Variants in DYSF observed in about 807,000 individuals in gnomAD.
DYSF encodes dystrophy-associated fer-1-like 1.
Under a neutral mutation model 274.9 loss-of-function variants are expected in DYSF, and 212 were observed. The observed-to-expected ratio is 0.77, with a 90% CI of 0.69 to 0.86. The LOEUF (loss-of-function observed/expected upper bound fraction) is 0.86, where lower values mean the gene tolerates loss of function less well. Ranked by LOEUF, DYSF falls within the 40% of genes least tolerant of loss-of-function variation. The pLI is 0.00. For missense variants in DYSF, 2,666 were observed against 2,783.2 expected, an observed-to-expected ratio of 0.96 and a Z score of 0.95; for synonymous variants, 1,091 against 1,078.7, an observed-to-expected ratio of 1.01 and a Z score of -0.22.
intron 21 of DYSF, among the ~76,000 whole-genome samples, chr2:71,555,675 T>TC (rs1366011936): frequency 1.3e-5 from 2 of 150,356 alleles, no homozygotes; most frequent in Middle Eastern, 3.2e-3. Context: ...CAGGGAGGAG[T>TC]CAGAAGCCAT....
At chr2:71,618,437 G>GCA (rs1558640274) in intron 40 of DYSF, among the ~76,000 whole-genome samples, 132 of 141,190 alleles carry the variant, frequency 9.3e-4, no homozygotes, top group African/African-American at 2.1e-3. Flanking sequence ...GAGGTGGGGT[G>GCA]TGTGTGGTAG....
At chr2:71,495,802 G>A (rs563898510) in intron 3 of DYSF, among the ~76,000 whole-genome samples, 1 of 152,174 alleles carries the variant, frequency 6.6e-6, no homozygotes, top group South Asian at 2.1e-4. Context: ...ACTGGGGCAG[G>A]GGCTCTGCTA....
At position 71,479,468 on chromosome 2, in the gene DYSF, A is replaced by T. The variant is rs370227871; in HGVS notation, c.92-1415A>T. Among the ~76,000 whole-genome samples the T allele has an allele frequency of 5.3e-5, 8 of 152,144 alleles. No homozygotes were observed. In the East Asian group the frequency reaches 5.8e-4, roughly 11 times the overall value. On this transcript the variant is annotated intron_variant, in intron 1 of 55. Coordinates refer to ENST00000410020, the MANE Select transcript of DYSF (RefSeq NM_001130987.2). ...TCTGTCCAAACTCCTTGTTTTGTGG[A>T]TCATCCAGAGAGAGAAATGCACTTG...
chr2:71,513,972 C>G (rs79396630), intron 7 of DYSF, 51 bp downstream of exon 7: 2 of 1,606,926 alleles, frequency 1.2e-6, no homozygotes, highest in Non-Finnish European at 1.7e-6. Context: ...CCATCAGCTG[C>G]GGGTGCCAGG....
chr2:71,656,363 G>A, intron 43 of DYSF, 73 bp downstream of exon 43: 1 of 1,600,092 alleles, frequency 6.2e-7, no homozygotes, highest in Admixed American at 1.7e-5. Context: ...TGAAGGGGAG[G>A]GGTCGTACCT....
At chr2:71,623,120 C>T (rs922324207) in intron 41 of DYSF, among the ~76,000 whole-genome samples, 4 of 152,110 alleles carry the variant, frequency 2.6e-5, no homozygotes, top group African/African-American at 9.7e-5. Flanking sequence ...TTATCCAATG[C>T]AATCGAGACA....
intron 30 of DYSF, among the ~76,000 whole-genome samples, chr2:71,578,377 A>G (rs2092782442): frequency 1.3e-5 from 2 of 152,148 alleles, no homozygotes; most frequent in African/African-American, 4.8e-5. Context: ...GAGGTATGGC[A>G]AGATGACATG....
chr2:71,535,548 G>T (rs550419394), intron 16 of DYSF, among the ~76,000 whole-genome samples: 1 of 152,014 alleles, frequency 6.6e-6, no homozygotes, highest in Middle Eastern at 3.2e-3. Flanking sequence ...AGGGCAGAAG[G>T]AGCTGGGAAG....
chr2:71,675,436 T>G (rs2152963003), intron 52 of DYSF, among the ~76,000 whole-genome samples: 1 of 152,268 alleles, frequency 6.6e-6, no homozygotes, highest in East Asian at 1.9e-4. Flanking sequence ...CCTCTTGGGG[T>G]AGCCCTTGAC....
intron 9 of DYSF, among the ~76,000 whole-genome samples, chr2:71,516,458 G>A (rs996118896): frequency 6.6e-5 from 10 of 152,216 alleles, no homozygotes; most frequent in African/African-American, 2.2e-4. Context: ...CTCACAGTCA[G>A]GCTCTACGGG....
intron 55 of DYSF, among the ~76,000 whole-genome samples, chr2:71,685,670 C>T (rs574235092): frequency 2.6e-5 from 4 of 152,324 alleles, no homozygotes; most frequent in African/African-American, 9.6e-5. Flanking sequence ...TCTGATTCCT[C>T]TCAGCTTCCC....
At chr2:71,618,122 G>T (rs1302225544) in intron 40 of DYSF, among the ~76,000 whole-genome samples, 1 of 146,088 alleles carries the variant, frequency 6.8e-6, no homozygotes, top group African/African-American at 2.6e-5. Context: ...GGGTGTGTGT[G>T]TGGTAGAGGT....
intron 14 of DYSF, among the ~76,000 whole-genome samples, chr2:71,529,831 C>A (rs962728193): frequency 2.6e-5 from 4 of 152,352 alleles, no homozygotes; most frequent in Non-Finnish European, 4.4e-5. Context: ...GATTAGCCAA[C>A]ATTTTTTTCT....
chr2:71,455,861 C>T (rs1263261283), intron 1 of DYSF, among the ~76,000 whole-genome samples: 1 of 152,150 alleles, frequency 6.6e-6, no homozygotes, highest in Non-Finnish European at 1.5e-5. Flanking sequence ...TGACCACATG[C>T]CCCCTCTGCA....
intron 34 of DYSF, 166 bp from the exon 35 acceptor site, chr2:71,601,333 C>A: frequency 2.3e-6 from 2 of 876,676 alleles, no homozygotes; most frequent in Non-Finnish European, 3.8e-6. Context: ...GGTGAAGTGT[C>A]TGGAGGAATG....
intron 30 of DYSF, among the ~76,000 whole-genome samples, chr2:71,582,804 A>T (rs2092938667): frequency 6.6e-6 from 1 of 152,176 alleles, no homozygotes; most frequent in South Asian, 2.1e-4. Context: ...GCAGTAGCAC[A>T]CTGATACATA....
chr2:71,537,653 A>G (rs188377701), intron 16 of DYSF, among the ~76,000 whole-genome samples: 32 of 152,354 alleles, frequency 2.1e-4, no homozygotes, highest in East Asian at 9.6e-4. Flanking sequence ...TTTAAAAATC[A>G]AAGCTTAATC....
intron 29 of DYSF, 35 bp from the exon 30 acceptor site, chr2:71,574,163 C>A: frequency 6.2e-7 from 1 of 1,609,444 alleles, no homozygotes; most frequent in Non-Finnish European, 8.5e-7. Flanking sequence ...CCAGCCTTCC[C>A]ACCGGCCTCT....
At chr2:71,634,666 C>T (rs945399923) in intron 41 of DYSF, among the ~76,000 whole-genome samples, 4 of 152,140 alleles carry the variant, frequency 2.6e-5, no homozygotes, top group Admixed American at 6.5e-5. Flanking sequence ...AGAAAAACCC[C>T]GGTAATCATC....
Sources: allele counts gnomAD v4.1 joint callset (sites outside exome capture counted in the v4.1 genomes callset), GRCh38; gene constraint gnomAD v4.1.1; transcripts MANE v1.5; gene names NCBI Gene and HGNC (gene_info 2026-07-23, HGNC 2026-07-21).